PACC1: variants seen among roughly 807,000 people sequenced by gnomAD.
The protein encoded by PACC1 is proton-activated chloride channel.
Under a neutral mutation model 39.7 loss-of-function variants are expected in PACC1, and 34 were observed. The observed-to-expected ratio is 0.86, with a 90% CI of 0.65 to 1.14. The LOEUF is 1.14. Among genes scored for constraint, PACC1 ranks in the 50% most tolerant of loss-of-function variants. PACC1 has a pLI of 0.00. For synonymous variants in PACC1, 127 were observed against 160.6 expected (o/e 0.79, Z 1.58); for missense variants, 379 against 436.4 (o/e 0.87, Z 1.17).
At position 212,396,550 on chromosome 1, in the gene PACC1, T is replaced by C. The variant is rs556506175; in HGVS notation, c.134-9450A>G. Among the ~76,000 whole-genome samples, 5 of 151,598 alleles carry C rather than the reference T, an allele frequency of 3.3e-5. No homozygotes were observed. In the South Asian group the frequency reaches 1.0e-3, roughly 32 times the overall value. ...TGTATACATATGTAACAAACCTGCA[T>C]TGCGCACATGTACCCTAGAACTTAA... On this transcript the variant is annotated intron_variant, in intron 2 of 7. Transcript: ENST00000261455.
In PACC1 at chr1:212,373,631, G is replaced by A. The variant is rs570943463; in HGVS notation, c.891+1562C>T. Among the ~76,000 whole-genome samples, 4 of 152,068 alleles carry A rather than the reference G, an allele frequency of 2.6e-5. No individual in the cohort carries two copies. In the East Asian group the frequency reaches 7.7e-4, roughly 29 times the overall value. On this transcript the variant is annotated intron_variant, in intron 7 of 7. Coordinates refer to ENST00000261455, the MANE Select transcript of PACC1 (RefSeq NM_018252.3). Reference sequence around the variant, plus strand: ...GGGATTAGTAACCAGAATATATAAGGAACTCAAACAACTCAATAGCAAAAA... The same window carrying A: ...GGGATTAGTAACCAGAATATATAAGAAACTCAAACAACTCAATAGCAAAAA...
At position 212,404,376 on chromosome 1, in the gene PACC1, G is replaced by A. The variant is rs141380528; in HGVS notation, c.133+6049C>T. Among the ~76,000 whole-genome samples, 924 of 151,808 alleles carry A rather than the reference G, an allele frequency of 6.1e-3. 9 individuals carry two copies. Among genetic ancestry groups the A allele is most frequent in the Non-Finnish European group, 0.011 (765 of 67,950 alleles). ...CCACCTCAGCCTCCCAAAGTGCTGG[G>A]ATCACAGGCATGAGCCACCGCACCC... On this transcript the variant is annotated intron_variant, in intron 2 of 7. Coordinates refer to ENST00000261455, the MANE Select transcript of PACC1 (RefSeq NM_018252.3).
At chr1:212,381,294 A>C (rs1660870534) in intron 4 of PACC1, among the ~76,000 whole-genome samples, 2 of 152,230 alleles carry the variant, frequency 1.3e-5, no homozygotes, top group Non-Finnish European at 2.9e-5. Context: ...TATCAATATT[A>C]AACATCCTTC....
chr1:212,406,787 G>A (rs1661936740), intron 2 of PACC1, among the ~76,000 whole-genome samples: 1 of 152,188 alleles, frequency 6.6e-6, no homozygotes, highest in Non-Finnish European at 1.5e-5. Flanking sequence ...TTGACCCCAG[G>A]CTTTGCAGCC....
chr1:212,398,206 T>C (rs1661590530), intron 2 of PACC1, among the ~76,000 whole-genome samples: 1 of 152,180 alleles, frequency 6.6e-6, no homozygotes, highest in South Asian at 2.1e-4. Context: ...TAATCTCTTT[T>C]GAAAAATAAA....
At chr1:212,405,787 A>G (rs945111284) in intron 2 of PACC1, among the ~76,000 whole-genome samples, 1 of 152,002 alleles carries the variant, frequency 6.6e-6, no homozygotes, top group African/African-American at 2.4e-5. Context: ...TCATCTATAA[A>G]CTAGGACTAA....
In PACC1 at chr1:212,366,362, G is replaced by A. The variant is rs1232137099; in HGVS notation, c.892-986C>T. On this transcript the variant is annotated intron_variant, in intron 7 of 7. Transcript: ENST00000261455. The stretch of plus-strand genomic sequence containing the variant: ...TGTCGCCAGGCTGGAGTGCAGTGGC[G>A]CGATCTCAGTTCACTGCAACCTCCG... Among the ~76,000 whole-genome samples, 5 of 145,704 alleles carry A rather than the reference G, an allele frequency of 3.4e-5. No homozygotes were observed. The Admixed American group carries it at 3.5e-4, about 10-fold the overall frequency.
chr1:212,392,134 A>G (rs1571660972), intron 2 of PACC1, among the ~76,000 whole-genome samples: 1 of 152,336 alleles, frequency 6.6e-6, no homozygotes, highest in South Asian at 2.1e-4. Context: ...TCTCAGACAC[A>G]TAATTGTCAG....
At chr1:212,397,360 C>T (rs1661565706) in intron 2 of PACC1, among the ~76,000 whole-genome samples, 1 of 152,098 alleles carries the variant, frequency 6.6e-6, no homozygotes, top group African/African-American at 2.4e-5. Flanking sequence ...TGGACTAAAC[C>T]GTCCAATTAA....
chr1:212,374,661 T>C (rs1319074951), intron 7 of PACC1, among the ~76,000 whole-genome samples: 1 of 152,262 alleles, frequency 6.6e-6, no homozygotes, highest in Admixed American at 6.5e-5. Context: ...ATGTACCACA[T>C]AAATATGTAT....
intron 4 of PACC1, among the ~76,000 whole-genome samples, chr1:212,383,999 C>T (rs528204536): frequency 7.9e-5 from 12 of 152,090 alleles, no homozygotes; most frequent in Non-Finnish European, 1.8e-4. Flanking sequence ...GTAATGACTA[C>T]CCTGCTCTCT....
chr1:212,400,337 A>G (rs1661669985), intron 2 of PACC1, among the ~76,000 whole-genome samples: 1 of 152,162 alleles, frequency 6.6e-6, no homozygotes, highest in African/African-American at 2.4e-5. Flanking sequence ...GTTCCTGAAA[A>G]TTCTAAAAAT....
At chr1:212,409,341 G>A (rs1191476005) in intron 2 of PACC1, among the ~76,000 whole-genome samples, 1 of 152,122 alleles carries the variant, frequency 6.6e-6, no homozygotes, top group African/African-American at 2.4e-5. Context: ...GTTAGAGAAG[G>A]CTCTGTGGAA....
chr1:212,399,776 T>G (rs1661649335), intron 2 of PACC1, among the ~76,000 whole-genome samples: 1 of 152,148 alleles, frequency 6.6e-6, no homozygotes, highest in Non-Finnish European at 1.5e-5. Flanking sequence ...ACTCCTGTAC[T>G]CAAGCAATCC....
Position 212,365,175 on chromosome 1 carries a change from C to G in PACC1, c.*40G>C, listed in dbSNP as rs761140523. On this transcript the variant is annotated 3_prime_UTR_variant, in exon 8 of 8. Transcript: ENST00000261455. ...TACAAAGTGGAAGTGATGACAGCTC[C>G]CATTGATGTGGACAGTTCTCTAAAC... 8.2e-6 allele frequency: 13 copies of G among 1,587,848 alleles called. No homozygotes were observed. The African/African-American group carries it at 1.4e-4, about 17-fold the overall frequency.
chr1:212,364,657 T>C lies in PACC1; in HGVS notation c.*558A>G, dbSNP rs900338267. 7.2e-5 allele frequency: 11 copies of C among 152,660 alleles called. No homozygotes were observed. Among genetic ancestry groups the C allele is most frequent in the African/African-American group, 2.7e-4 (11 of 41,460 alleles). 9.5% of individuals were successfully genotyped at this position (152,660 alleles called of 1,614,324 possible). ...ATTAAGAAACTTAATTACTAGTTTC[T>C]AGTAGCCTTAAAGTCTCATTTAACA... On this transcript the variant is annotated 3_prime_UTR_variant, in exon 8 of 8. Transcript: ENST00000261455.
rs1317959143 is a variant in PACC1 at position 212,364,032 on chromosome 1, C to G, written c.*1183G>C. The G allele has an allele frequency of 6.6e-6, 1 of 152,172 alleles. No homozygotes were observed. The highest frequency in any genetic ancestry group is 1.5e-5 in the Non-Finnish European group (1 of 68,038). 9.4% of individuals were successfully genotyped at this position (152,172 alleles called of 1,614,324 possible). A position where few individuals can be genotyped will look rare whatever the true frequency, so the allele number is the denominator to read the frequency against. On this transcript the variant is annotated 3_prime_UTR_variant, in exon 8 of 8. Transcript: ENST00000261455. Reference sequence around the variant, plus strand: ...GTTATTCCCTTTGGATTATCGGAAGCCAGATTACAAAATTTAGGAAATGCT... The same window carrying G: ...GTTATTCCCTTTGGATTATCGGAAGGCAGATTACAAAATTTAGGAAATGCT...
At chr1:212,395,843 T>A (rs964280000) in intron 2 of PACC1, among the ~76,000 whole-genome samples, 1 of 152,088 alleles carries the variant, frequency 6.6e-6, no homozygotes, top group Non-Finnish European at 1.5e-5. Flanking sequence ...AAAATGCTCA[T>A]CATCACTGGC....
chr1:212,381,015 T>C (rs1660858883), intron 4 of PACC1, among the ~76,000 whole-genome samples: 1 of 152,258 alleles, frequency 6.6e-6, no homozygotes, highest in East Asian at 1.9e-4. Flanking sequence ...GTGAGTACAC[T>C]GTCAGTTACA....
Sources: allele counts gnomAD v4.1 joint callset (sites outside exome capture counted in the v4.1 genomes callset), GRCh38; gene constraint gnomAD v4.1.1; transcripts MANE v1.5; gene names NCBI Gene and HGNC (gene_info 2026-07-23, HGNC 2026-07-21).